The following ZCCHC14 variants were observed in gnomAD, a reference collection of about 807,000 sequenced individuals.
ZCCHC14 encodes zinc finger CCHC-type containing 14, also known as zinc finger CCHC domain-containing protein 14.
A neutral mutation model predicts 85.0 loss-of-function variants in ZCCHC14; 16 were observed. The ratio of observed to expected loss-of-function variants is 0.19; its 90% CI spans 0.13 to 0.29. ZCCHC14 has a LOEUF of 0.29. ZCCHC14 is among the 10% of genes least tolerant of loss of function. ZCCHC14 has a pLI of 1.00. For missense variants in ZCCHC14, 1,303 were observed against 1,443.5 expected (o/e 0.90, Z 1.58); for synonymous variants, 775 against 630.7 (o/e 1.23, Z -3.43).
rs1012013111 is a variant in ZCCHC14 at position 87,493,005 on chromosome 16, C to A, written c.-767G>T. On this transcript the variant is annotated 5_prime_UTR_variant, in exon 1 of 13. Transcript: ENST00000671377. Reference sequence around the variant, plus strand: ...GATCGTCGCGCTCGCGGCTGACGGGCGGCCGGGATCAGCAGAAGTGGGCGG... The same window carrying A: ...GATCGTCGCGCTCGCGGCTGACGGGAGGCCGGGATCAGCAGAAGTGGGCGG... Among the ~76,000 whole-genome samples, 2 of 151,866 alleles carry A rather than the reference C, an allele frequency of 1.3e-5. No homozygotes were observed. The highest frequency in any genetic ancestry group is 4.8e-5 in the African/African-American group (2 of 41,410).
At chr16:87,444,127 G>A (rs1454941691) in intron 2 of ZCCHC14, among the ~76,000 whole-genome samples, 2 of 151,732 alleles carry the variant, frequency 1.3e-5, no homozygotes, top group Admixed American at 1.3e-4. Flanking sequence ...AAGGCCTAGA[G>A]CAGCCACACT....
At chr16:87,462,454 G>T (rs1051879830) in intron 1 of ZCCHC14, among the ~76,000 whole-genome samples, 1 of 152,114 alleles carries the variant, frequency 6.6e-6, no homozygotes, top group African/African-American at 2.4e-5. Flanking sequence ...AAGAAACACA[G>T]CCAAGGCCGG....
chr16:87,480,076 T>G (rs1284801467), intron 1 of ZCCHC14, among the ~76,000 whole-genome samples: 1 of 151,922 alleles, frequency 6.6e-6, no homozygotes, highest in African/African-American at 2.4e-5. Context: ...CACCTGGCCT[T>G]GCATGCCAGC....
At chr16:87,463,652 G>A (rs1254650058) in intron 1 of ZCCHC14, among the ~76,000 whole-genome samples, 3 of 152,084 alleles carry the variant, frequency 2.0e-5, no homozygotes, top group East Asian at 1.9e-4. Context: ...ATGAAACCTC[G>A]TCTCTACTAA....
In ZCCHC14 at chr16:87,409,239, G is replaced by A. The variant is rs897851891; in HGVS notation, c.*1041C>T. On this transcript the variant is annotated 3_prime_UTR_variant, in exon 13 of 13. Transcript: ENST00000671377. Reference sequence around the variant, plus strand: ...CCAATCTTTTGCTGATAAATGACAGGACTGTATCATTGTTGAAATGTCTGT... The same window carrying A: ...CCAATCTTTTGCTGATAAATGACAGAACTGTATCATTGTTGAAATGTCTGT... The A allele has an allele frequency of 9.9e-5, 15 of 151,918 alleles. No homozygotes were observed. Among genetic ancestry groups the A allele is most frequent in the African/African-American group, 3.6e-4 (15 of 41,396 alleles). 9.4% of individuals were successfully genotyped at this position (151,918 alleles called of 1,614,324 possible).
In ZCCHC14 at chr16:87,436,876, A is replaced by C. The variant is rs74396906; in HGVS notation, c.695-3675T>G. ...AGCTGTGTACGGTGGCGAAGTGAAG[A>C]GTAGCTTTTCCCCACATTTCTGTAA... On this transcript the variant is annotated intron_variant, in intron 2 of 12. Coordinates refer to ENST00000671377, the MANE Select transcript of ZCCHC14 (RefSeq NM_015144.3). Among the ~76,000 whole-genome samples the C allele has an allele frequency of 8.8e-3, 1,337 of 152,358 alleles. 19 individuals carry two copies. Among genetic ancestry groups the C allele is most frequent in the Non-Finnish European group, 0.012 (826 of 68,030 alleles).
intron 2 of ZCCHC14, among the ~76,000 whole-genome samples, chr16:87,453,027 G>A (rs1436266965): frequency 6.6e-6 from 1 of 152,256 alleles, no homozygotes; most frequent in East Asian, 1.9e-4. Flanking sequence ...TCCCTTGACA[G>A]AGGAGTGGAC....
chr16:87,446,367 T>C (rs1910437004), intron 2 of ZCCHC14, among the ~76,000 whole-genome samples: 1 of 151,184 alleles, frequency 6.6e-6, no homozygotes, highest in African/African-American at 2.4e-5. Flanking sequence ...ACCTGTAATC[T>C]CAGCTATTCA....
intron 1 of ZCCHC14, among the ~76,000 whole-genome samples, chr16:87,465,615 T>C (rs1911483420): frequency 6.6e-6 from 1 of 152,128 alleles, no homozygotes; most frequent in African/African-American, 2.4e-5. Context: ...ACTGTTACAG[T>C]TTAAAGAGAG....
intron 9 of ZCCHC14, 42 bp from the exon 10 acceptor site, chr16:87,414,583 C>A (rs1342862355): frequency 6.3e-7 from 1 of 1,576,994 alleles, no homozygotes; most frequent in Non-Finnish European, 8.6e-7. Flanking sequence ...GCACTGCCTA[C>A]TGGTGCTGCC....
intron 2 of ZCCHC14, among the ~76,000 whole-genome samples, chr16:87,445,543 C>T (rs1044303371): frequency 6.6e-6 from 1 of 152,086 alleles, no homozygotes; most frequent in Non-Finnish European, 1.5e-5. Context: ...GATCATAATC[C>T]ATTCTTCCAA....
chr16:87,468,942 G>A lies in ZCCHC14; in HGVS notation c.571-8811C>T, dbSNP rs535683302. 1.1e-4 allele frequency among the ~76,000 whole-genome samples: 16 copies of A among 152,294 alleles called. No individual in the cohort carries two copies. The East Asian group carries it at 2.1e-3, about 20-fold the overall frequency. The stretch of plus-strand genomic sequence containing the variant: ...GTGGAATACCTGGGAGCTGGCAAAC[G>A]ACGCAGGCTGAGAAAGCCAGGTCTA... On this transcript the variant is annotated intron_variant, in intron 1 of 12. Transcript: ENST00000671377.
intron 2 of ZCCHC14, among the ~76,000 whole-genome samples, chr16:87,456,411 C>A (rs923450992): frequency 4.0e-5 from 6 of 151,652 alleles, no homozygotes; most frequent in African/African-American, 1.5e-4. Context: ...GCACCTGTAG[C>A]CCCAGCAGCT....
intron 2 of ZCCHC14, 103 bp from the exon 3 acceptor site, chr16:87,433,304 C>T (rs1255639351): frequency 9.2e-7 from 1 of 1,092,306 alleles, no homozygotes; most frequent in African/African-American, 1.6e-5. Context: ...AGGTTCTCAG[C>T]ACCCAAGGCT....
chr16:87,490,487 CT>C (rs556111165), intron 1 of ZCCHC14, among the ~76,000 whole-genome samples: 149 of 152,332 alleles, frequency 9.8e-4, no homozygotes, highest in African/African-American at 3.4e-3. Flanking sequence ...TTGCAGGGGG[CT>C]GTTCAAAATA....
At chr16:87,463,499 G>A (rs1241245295) in intron 1 of ZCCHC14, among the ~76,000 whole-genome samples, 3 of 152,202 alleles carry the variant, frequency 2.0e-5, no homozygotes, top group Non-Finnish European at 4.4e-5. Flanking sequence ...AGAAGAGAAA[G>A]TGAGCTGCCT....
intron 3 of ZCCHC14, among the ~76,000 whole-genome samples, chr16:87,431,691 G>A (rs1909671559): frequency 1.3e-5 from 2 of 152,146 alleles, no homozygotes; most frequent in Admixed American, 1.3e-4. Context: ...ACCTTCTTAA[G>A]TGCACAGTCC....
chr16:87,414,499 C>A lies in ZCCHC14; in HGVS notation c.1518G>T (p.Pro506=), dbSNP rs879317754. The part of the protein sequence containing the change: ...ERRCLNPSAP[P]LVTSSGVARV... ...GAGCCACACCACTGCTGGTGACCAG[C>A]GGCGGGGCCGAGGGGTTCAGGCACC... is the stretch of plus-strand genomic sequence containing the variant. The change falls in exon 10 of 13, where the codon CCG becomes CCT. Residue 506 remains proline (P), a synonymous_variant. Coordinates refer to ENST00000671377, the MANE Select transcript of ZCCHC14 (RefSeq NM_015144.3). The A allele has an allele frequency of 1.2e-6, 2 of 1,612,958 alleles. No homozygotes were observed. The highest frequency in any genetic ancestry group is 1.1e-5 in the South Asian group (1 of 91,006).
intron 2 of ZCCHC14, 22 bp from the exon 3 acceptor site, chr16:87,433,223 C>T: frequency 6.2e-7 from 1 of 1,606,472 alleles, no homozygotes; most frequent in African/African-American, 1.3e-5. Context: ...AAACAAAAAA[C>T]AAAAATGAAA....
Sources: gnomAD v4.1 joint callset for allele counts (sites outside exome capture counted in the v4.1 genomes callset) on GRCh38, gnomAD v4.1.1 for gene constraint, MANE v1.5 for transcripts, NCBI Gene and HGNC (gene_info 2026-07-23, HGNC 2026-07-21) for gene names.